The following IQCH variants were observed in gnomAD, a reference collection of about 807,000 sequenced individuals.
The protein encoded by IQCH is IQ domain-containing protein H.
In IQCH, 98 loss-of-function variants were observed where a neutral mutation model predicts 117.0. The observed-to-expected ratio is 0.84, with a 90% CI of 0.71 to 0.99. The LOEUF (loss-of-function observed/expected upper bound fraction) is 0.99. Ranked by LOEUF, IQCH falls within the 50% of genes least tolerant of loss-of-function variation. The probability of loss-of-function intolerance (pLI) is 0.00; values close to 1 mark genes in which losing one functional copy is unlikely to be tolerated. For synonymous variants in IQCH, 412 were observed against 448.2 expected (o/e 0.92, Z 1.02); for missense variants, 1,102 against 1,243.8 (o/e 0.89, Z 1.72).
At chr15:67,341,295 T>C (rs1410517127) in intron 5 of IQCH, among the ~76,000 whole-genome samples, 1 of 152,154 alleles carries the variant, frequency 6.6e-6, no homozygotes, top group African/African-American at 2.4e-5. Flanking sequence ...CAAAGAGTTG[T>C]TCTCCTTCCT....
At chr15:67,324,982 C>T (rs569280114) in intron 4 of IQCH, among the ~76,000 whole-genome samples, 83 of 152,024 alleles carry the variant, frequency 5.5e-4, no homozygotes, top group Non-Finnish European at 1.1e-3. Context: ...AGATTTTGGC[C>T]ATTGTTTCTT....
chr15:67,382,747 G>T (rs1029335954), intron 10 of IQCH, among the ~76,000 whole-genome samples: 1 of 152,154 alleles, frequency 6.6e-6, no homozygotes, highest in Non-Finnish European at 1.5e-5. Flanking sequence ...ACAGGATTGA[G>T]GTTGATAGTC....
In IQCH at chr15:67,432,578, A is replaced by G. The variant is rs1469867652; in HGVS notation, c.2505+11001A>G. ...ATAAGGTGATGTTCTTATTAAATCA[A>G]ATGGCATAACCACATGTAAAACTGT... On this transcript the variant is annotated intron_variant, in intron 16 of 20. Transcript: ENST00000335894. The surrounding 1 kb of genome is among the most constrained non-coding windows in gnomAD (Gnocchi z 5.0). 6.6e-6 allele frequency among the ~76,000 whole-genome samples: 1 copy of G among 152,188 alleles called. No individual in the cohort carries two copies. The highest frequency in any genetic ancestry group is 1.5e-5 in the Non-Finnish European group (1 of 68,030).
At chr15:67,263,707 C>G (rs1965551897) in intron 3 of IQCH, among the ~76,000 whole-genome samples, 1 of 152,140 alleles carries the variant, frequency 6.6e-6, no homozygotes, top group African/African-American at 2.4e-5. Flanking sequence ...TTTAGATCAC[C>G]TGGTACTTTA....
intron 18 of IQCH, among the ~76,000 whole-genome samples, chr15:67,485,359 A>G (rs1057075190): frequency 2.6e-5 from 4 of 152,218 alleles, no homozygotes; most frequent in African/African-American, 9.7e-5. Flanking sequence ...AGTAGAAAAA[A>G]ATTCCAACTT....
At chr15:67,292,608 CT>C (rs1966790197) in intron 4 of IQCH, among the ~76,000 whole-genome samples, 2 of 152,156 alleles carry the variant, frequency 1.3e-5, no homozygotes, top group Non-Finnish European at 2.9e-5. Flanking sequence ...TAAATAACCA[CT>C]TCTCCATCAC....
chr15:67,256,350 G>A (rs78249440), intron 1 of IQCH, among the ~76,000 whole-genome samples: 3,856 of 152,250 alleles, frequency 0.025, 78 homozygotes, highest in African/African-American at 0.052. Context: ...TTGATGTCCA[G>A]AGTTTTTACT....
chr15:67,398,822 A>G (rs1475638902), intron 13 of IQCH, among the ~76,000 whole-genome samples: 1 of 152,148 alleles, frequency 6.6e-6, no homozygotes, highest in East Asian at 1.9e-4. Context: ...ATAGCCAAGA[A>G]CAGCATGGGA....
At position 67,490,535 on chromosome 15, in the gene IQCH, C is replaced by G. The variant is rs962240280; in HGVS notation, c.2861+471C>G. On this transcript the variant is annotated intron_variant, in intron 19 of 20. Coordinates refer to ENST00000335894, the MANE Select transcript of IQCH (RefSeq NM_001031715.3). This position sits in a 1 kb window ranked among gnomAD's most constrained non-coding sequence, Gnocchi z 4.9. ...TTTTATAAAATGACTTTAGATGTGT[C>G]AATGGGGGTTTATAAATATAATTGA... 6.6e-6 allele frequency among the ~76,000 whole-genome samples: 1 copy of G among 152,036 alleles called. No homozygotes were observed. Among genetic ancestry groups the G allele is most frequent in the African/African-American group, 2.4e-5 (1 of 41,384 alleles).
At chr15:67,348,780 G>GA (rs1291569325) in intron 6 of IQCH, among the ~76,000 whole-genome samples, 1 of 152,140 alleles carries the variant, frequency 6.6e-6, no homozygotes, top group Non-Finnish European at 1.5e-5. Context: ...AAAGTTTGTG[G>GA]AAAGGGCAAG....
chr15:67,433,834 A>AT lies in IQCH; in HGVS notation c.2505+12258dup, dbSNP rs1163442190. ...ATGAGCATTTATAGCTTGCCCCAGC[A>AT]TCCCAAAACAAAGCTGAAAGTTGTT... is the stretch of plus-strand genomic sequence containing the variant. On this transcript the variant is annotated intron_variant, in intron 16 of 20. Transcript: ENST00000335894. The surrounding 1 kb of genome is among the most constrained non-coding windows in gnomAD (Gnocchi z 5.4). Among the ~76,000 whole-genome samples, 2 of 152,232 alleles carry AT rather than the reference A, an allele frequency of 1.3e-5. No individual in the cohort carries two copies. Among genetic ancestry groups the AT allele is most frequent in the Non-Finnish European group, 2.9e-5 (2 of 68,038 alleles).
At chr15:67,327,598 G>T (rs1968467747) in intron 4 of IQCH, among the ~76,000 whole-genome samples, 1 of 152,124 alleles carries the variant, frequency 6.6e-6, no homozygotes, top group Non-Finnish European at 1.5e-5. Context: ...CATTATAAAT[G>T]ATACGTTCTA....
chr15:67,441,122 C>CAAAAAAAAAAAAA lies in IQCH; in HGVS notation c.2505+19564_2505+19576dup, dbSNP rs200254535. On this transcript the variant is annotated intron_variant, in intron 16 of 20. Transcript: ENST00000335894. ...AACTCAACTCCTTTTGCAATAGCTG[C>CAAAAAAAAAAAAA]AAAAAAAAAAAAAAAAAAAAAAAAA... Among the ~76,000 whole-genome samples, 11 of 54,008 alleles carry CAAAAAAAAAAAAA rather than the reference C, an allele frequency of 2.0e-4. 1 individual carries two copies. Among genetic ancestry groups the CAAAAAAAAAAAAA allele is most frequent in the East Asian group, 4.7e-4 (1 of 2,128 alleles). 35.4% of individuals were successfully genotyped at this position (54,008 alleles called of 152,430 possible).
intron 13 of IQCH, among the ~76,000 whole-genome samples, chr15:67,397,983 T>C (rs2140861184): frequency 6.6e-6 from 1 of 152,290 alleles, no homozygotes; most frequent in African/African-American, 2.4e-5. Context: ...TAAAGCACTG[T>C]TCAATTTTCA....
intron 6 of IQCH, among the ~76,000 whole-genome samples, chr15:67,351,090 T>C (rs1288010590): frequency 6.6e-6 from 1 of 152,216 alleles, no homozygotes; most frequent in Non-Finnish European, 1.5e-5. Context: ...TTGTTTATTT[T>C]ACTTTAAGTT....
intron 4 of IQCH, among the ~76,000 whole-genome samples, chr15:67,294,971 GC>G (rs2140512305): frequency 6.6e-6 from 1 of 152,304 alleles, no homozygotes; most frequent in South Asian, 2.1e-4. Context: ...TCACAATGGT[GC>G]TTAGGGGTCT....
chr15:67,276,267 G>A (rs1966118389), intron 3 of IQCH, among the ~76,000 whole-genome samples: 1 of 152,076 alleles, frequency 6.6e-6, no homozygotes, highest in African/African-American at 2.4e-5. Flanking sequence ...TTCACTTCTG[G>A]GAAGGTGGTG....
At position 67,424,121 on chromosome 15, in the gene IQCH, G is replaced by A. The variant is rs926932741; in HGVS notation, c.2505+2544G>A. ...TTCACTTGGCTGGTTCCATGTACCT[G>A]GCCAGTCTTGTCTCACCCTAACTTG... On this transcript the variant is annotated intron_variant, in intron 16 of 20. Coordinates refer to ENST00000335894, the MANE Select transcript of IQCH (RefSeq NM_001031715.3). The surrounding 1 kb of genome is among the most constrained non-coding windows in gnomAD (Gnocchi z 4.9). Among the ~76,000 whole-genome samples, 2 of 152,120 alleles carry A rather than the reference G, an allele frequency of 1.3e-5. No homozygotes were observed. The highest frequency in any genetic ancestry group is 4.8e-5 in the African/African-American group (2 of 41,428).
intron 4 of IQCH, among the ~76,000 whole-genome samples, chr15:67,285,804 G>A (rs561157238): frequency 6.6e-6 from 1 of 151,752 alleles, no homozygotes; most frequent in East Asian, 1.9e-4. Context: ...CTGTTCTGTT[G>A]GTCTACCAGT....
Sources: gnomAD v4.1 joint callset for allele counts (sites outside exome capture counted in the v4.1 genomes callset) on GRCh38, gnomAD v4.1.1 for gene constraint, Gnocchi (gnomAD v3.1) non-coding constraint, MANE v1.5 for transcripts, NCBI Gene and HGNC (gene_info 2026-07-23, HGNC 2026-07-21) for gene names.